Variants in CNTNAP2 observed in about 807,000 individuals in gnomAD.
CNTNAP2 encodes contactin-associated protein-like 2.
In CNTNAP2, 98 loss-of-function variants were observed where a neutral mutation model predicts 155.2. That is an observed-to-expected ratio of 0.63 (90% CI 0.54 to 0.75). CNTNAP2 has a LOEUF of 0.75. Ranked by LOEUF, CNTNAP2 falls within the 30% of genes least tolerant of loss-of-function variation. The probability of loss-of-function intolerance (pLI) is 0.00; values close to 1 mark genes in which losing one functional copy is unlikely to be tolerated. For synonymous variants in CNTNAP2, 651 were observed against 631.2 expected, an observed-to-expected ratio of 1.03 and a Z score of -0.47; for missense variants, 1,727 against 1,688.1, an observed-to-expected ratio of 1.02 and a Z score of -0.40.
Position 146,447,218 on chromosome 7 carries a change from C to G in CNTNAP2, c.98-327053C>G, listed in dbSNP as rs1429006592. 3.3e-5 allele frequency among the ~76,000 whole-genome samples: 5 copies of G among 152,144 alleles called. No homozygotes were observed. The East Asian group carries it at 7.7e-4, about 23-fold the overall frequency. On this transcript the variant is annotated intron_variant, in intron 1 of 23. Transcript: ENST00000361727. ...ATTTTAAATGCTGCTCTGTGCTTAACTTTTATTGCTCAATGGAGAGTGTAC... is the reference window on the plus strand; with the variant it reads ...ATTTTAAATGCTGCTCTGTGCTTAAGTTTTATTGCTCAATGGAGAGTGTAC...
intron 21 of CNTNAP2, among the ~76,000 whole-genome samples, chr7:148,351,772 A>T (rs997546130): frequency 1.3e-5 from 2 of 148,716 alleles, no homozygotes; most frequent in African/African-American, 5.1e-5. Context: ...AGAAACCGAG[A>T]CTCACAGGGG....
chr7:146,701,715 T>G (rs924031287), intron 1 of CNTNAP2, among the ~76,000 whole-genome samples: 1 of 152,112 alleles, frequency 6.6e-6, no homozygotes, highest in Non-Finnish European at 1.5e-5. Flanking sequence ...TAGTATGACA[T>G]CTACTTTGAC....
intron 9 of CNTNAP2, among the ~76,000 whole-genome samples, chr7:147,387,460 GC>G: frequency 6.6e-6 from 1 of 152,134 alleles, no homozygotes. Flanking sequence ...TCATCAGGTG[GC>G]CCCCCAGTAT....
chr7:148,414,078 ATT>A (rs780784669), intron 23 of CNTNAP2, among the ~76,000 whole-genome samples: 1 of 114,442 alleles, frequency 8.7e-6, no homozygotes. Context: ...TTCTTTTTCC[ATT>A]TTTTTTTTTT....
rs182559796 is a variant in CNTNAP2 at position 146,644,959 on chromosome 7, G to A, written c.98-129312G>A. Among the ~76,000 whole-genome samples the A allele has an allele frequency of 1.8e-4, 28 of 152,184 alleles. No individual in the cohort carries two copies. The East Asian group carries it at 4.8e-3, about 26-fold the overall frequency. On this transcript the variant is annotated intron_variant, in intron 1 of 23. Coordinates refer to ENST00000361727, the MANE Select transcript of CNTNAP2 (RefSeq NM_014141.6). Reference sequence around the variant, plus strand: ...CTATTCCAGTCAGTAGAAAAAGAGGGAATCCTCCCTCAGTCATTTTATGAG... The same window carrying A: ...CTATTCCAGTCAGTAGAAAAAGAGGAAATCCTCCCTCAGTCATTTTATGAG...
intron 1 of CNTNAP2, among the ~76,000 whole-genome samples, chr7:146,213,301 A>G (rs1469414554): frequency 1.3e-5 from 2 of 152,174 alleles, no homozygotes; most frequent in Non-Finnish European, 2.9e-5. Context: ...ATCTCAGTGC[A>G]CTTTTCTGAG....
At chr7:146,455,242 A>G (rs904875264) in intron 1 of CNTNAP2, among the ~76,000 whole-genome samples, 2 of 152,232 alleles carry the variant, frequency 1.3e-5, no homozygotes, top group African/African-American at 4.8e-5. Flanking sequence ...CTATAAGGAC[A>G]TACAAAAGAA....
intron 1 of CNTNAP2, among the ~76,000 whole-genome samples, chr7:146,308,895 G>T (rs1800769692): frequency 6.6e-6 from 1 of 151,998 alleles, no homozygotes. Flanking sequence ...GTTAGTGGGT[G>T]CATCACACCA....
intron 15 of CNTNAP2, among the ~76,000 whole-genome samples, chr7:148,026,667 C>T (rs1320627615): frequency 6.6e-6 from 1 of 152,100 alleles, no homozygotes; most frequent in African/African-American, 2.4e-5. Flanking sequence ...TTTTAAAATT[C>T]AGAGTTTGAA....
intron 21 of CNTNAP2, among the ~76,000 whole-genome samples, chr7:148,328,704 TC>T (rs1275550639): frequency 1.3e-5 from 2 of 151,894 alleles, no homozygotes; most frequent in Non-Finnish European, 2.9e-5. Context: ...GCGCGGTGGC[TC>T]ACACCTGTAA....
intron 9 of CNTNAP2, among the ~76,000 whole-genome samples, chr7:147,368,169 C>A (rs1040255322): frequency 6.6e-6 from 1 of 150,410 alleles, no homozygotes; most frequent in Non-Finnish European, 1.5e-5. Flanking sequence ...ATGCCAGAAT[C>A]CCTAACAGAT....
chr7:147,346,716 G>A (rs1795869619), intron 9 of CNTNAP2, among the ~76,000 whole-genome samples: 1 of 152,110 alleles, frequency 6.6e-6, no homozygotes, highest in African/African-American at 2.4e-5. Flanking sequence ...AAAATTTATA[G>A]ACTGACATTT....
At chr7:147,679,310 T>C (rs1403556018) in intron 13 of CNTNAP2, among the ~76,000 whole-genome samples, 3 of 151,946 alleles carry the variant, frequency 2.0e-5, no homozygotes, top group East Asian at 1.9e-4. Flanking sequence ...TTCTATAATA[T>C]GATACACTAA....
intron 11 of CNTNAP2, among the ~76,000 whole-genome samples, chr7:147,557,254 A>C (rs1207432527): frequency 6.6e-6 from 1 of 151,776 alleles, no homozygotes; most frequent in Non-Finnish European, 1.5e-5. Flanking sequence ...ACAGAGCCAG[A>C]CTCCATCTCA....
At chr7:147,654,804 A>ATTTTTTTT (rs1795500468) in intron 13 of CNTNAP2, among the ~76,000 whole-genome samples, 2 of 104,024 alleles carry the variant, frequency 1.9e-5, no homozygotes, top group Non-Finnish European at 1.9e-5. Flanking sequence ...AGCAAAATAT[A>ATTTTTTTT]TTTCTTTTTT....
intron 2 of CNTNAP2, among the ~76,000 whole-genome samples, chr7:146,784,889 C>T (rs539661744): frequency 2.6e-5 from 4 of 152,182 alleles, no homozygotes; most frequent in African/African-American, 7.2e-5. Flanking sequence ...TATTTACACA[C>T]TGAATTTTTC....
chr7:146,477,411 G>A (rs1262079904), intron 1 of CNTNAP2, among the ~76,000 whole-genome samples: 2 of 152,080 alleles, frequency 1.3e-5, no homozygotes, highest in Admixed American at 1.3e-4. Flanking sequence ...ACTTTTAAGT[G>A]AGTGATAAAA....
chr7:147,494,401 T>C (rs754234662), intron 11 of CNTNAP2, among the ~76,000 whole-genome samples: 8 of 149,990 alleles, frequency 5.3e-5, no homozygotes, highest in Non-Finnish European at 1.2e-4. Flanking sequence ...AAAGAAAGGA[T>C]TTAATTTCAA....
chr7:146,549,536 G>A (rs1391356210), intron 1 of CNTNAP2, among the ~76,000 whole-genome samples: 1 of 151,992 alleles, frequency 6.6e-6, no homozygotes, highest in South Asian at 2.1e-4. Flanking sequence ...AACCCCTGAT[G>A]GTGCCTGTCA....
Sources: gnomAD v4.1 joint callset for allele counts (sites outside exome capture counted in the v4.1 genomes callset) on GRCh38, gnomAD v4.1.1 for gene constraint, MANE v1.5 for transcripts, NCBI Gene and HGNC (gene_info 2026-07-23, HGNC 2026-07-21) for gene names.